Variants in HERC5 observed in about 807,000 individuals in gnomAD.
HERC5 encodes the protein E3 ISG15--protein ligase HERC5.
In HERC5, 99 loss-of-function variants were observed where a neutral mutation model predicts 119.6. The ratio of observed to expected loss-of-function variants is 0.83; its 90% CI spans 0.70 to 0.98. HERC5 has a LOEUF of 0.98. Ranked by LOEUF, HERC5 falls within the 50% of genes least tolerant of loss-of-function variation. The probability of loss-of-function intolerance (pLI) is 0.00; values close to 1 mark genes in which losing one functional copy is unlikely to be tolerated. For synonymous variants in HERC5, 478 were observed against 445.9 expected (o/e 1.07, Z -0.91); for missense variants, 1,267 against 1,241.3 (o/e 1.02, Z -0.31).
At chr4:88,490,934 T>C (rs1165112993) in intron 16 of HERC5, among the ~76,000 whole-genome samples, 1 of 152,238 alleles carries the variant, frequency 6.6e-6, no homozygotes, top group Non-Finnish European at 1.5e-5. Context: ...GGACTCGTTA[T>C]GTGATTCTAT....
chr4:88,471,929 C>T (rs1578047626), intron 10 of HERC5, among the ~76,000 whole-genome samples: 1 of 150,550 alleles, frequency 6.6e-6, no homozygotes, highest in South Asian at 2.1e-4. Context: ...TATGGCCCGC[C>T]CTTCTTCCCT....
Position 88,457,456 on chromosome 4 carries a change from C to A in HERC5, c.187C>A (p.Leu63Ile). 7.4e-7 allele frequency: 1 copy of A among 1,345,518 alleles called. No homozygotes were observed. Among genetic ancestry groups the A allele is most frequent in the Non-Finnish European group, 9.5e-7 (1 of 1,050,922 alleles). 83.3% of individuals were successfully genotyped at this position (1,345,518 alleles called of 1,614,324 possible). A position where few individuals can be genotyped will look rare whatever the true frequency, so the allele number is the denominator to read the frequency against. The part of the protein sequence containing the change: ...TRQLCCSPGR[L>I]AVLERGGAGV... ...CCAACTCTGCTGCTCGCCGGGGCGC[C>A]TCGCGGTCTTGGAACGCGGCGGGGC... is the stretch of plus-strand genomic sequence containing the variant. Residue 63 changes from leucine to isoleucine, a missense_variant, in exon 1 of 23, where the codon CTC becomes ATC. By Grantham distance (5) the Leu-to-Ile change is conservative. Coordinates refer to ENST00000264350, the MANE Select transcript of HERC5 (RefSeq NM_016323.4).
intron 18 of HERC5, among the ~76,000 whole-genome samples, chr4:88,496,629 A>T (rs2149107387): frequency 6.6e-6 from 1 of 152,358 alleles, no homozygotes; most frequent in Non-Finnish European, 1.5e-5. Context: ...TATGCCATAC[A>T]TGATAATCAC....
At position 88,500,077 on chromosome 4, in the gene HERC5, TAAAAA is replaced by T. The variant is rs201793802; in HGVS notation, c.2511+91_2511+95del. 14 of 725,894 alleles carry T rather than the reference TAAAAA, an allele frequency of 1.9e-5. No homozygotes were observed. The African/African-American group carries it at 2.6e-4, about 13-fold the overall frequency. The allele number at this position is 725,894 out of a possible 1,614,324, so 45.0% of individuals were successfully genotyped here. On this transcript the variant is annotated intron_variant, in intron 19 of 22. Transcript: ENST00000264350. The stretch of plus-strand genomic sequence containing the variant: ...TTAACTAAACATGTCAACTTTTACT[TAAAAA>T]AAAAACCTGAATAAATTAGTGAAAA...
rs372506989 is a variant in HERC5 at position 88,501,024 on chromosome 4, C to G, written c.2582+39C>G. ...ATGAAATAGTTGGTTTGTATATGTA[C>G]TATTTTTATTTTACTGAGCTCTAAA... is the stretch of plus-strand genomic sequence containing the variant. On this transcript the variant is annotated intron_variant, in intron 20 of 22. Coordinates refer to ENST00000264350, the MANE Select transcript of HERC5 (RefSeq NM_016323.4). The G allele has an allele frequency of 2.1e-6, 3 of 1,396,122 alleles. No homozygotes were observed. The African/African-American group carries it at 4.3e-5, about 20-fold the overall frequency. 86.5% of individuals were successfully genotyped at this position (1,396,122 alleles called of 1,614,324 possible).
intron 12 of HERC5, among the ~76,000 whole-genome samples, chr4:88,478,095 TTAG>T (rs1320141541): frequency 2.2e-4 from 33 of 152,310 alleles, no homozygotes; most frequent in African/African-American, 7.9e-4. Flanking sequence ...TGTTAAATTA[TTAG>T]TAGTATTTTT....
chr4:88,502,005 A>C (rs1262579839), intron 20 of HERC5, among the ~76,000 whole-genome samples: 2 of 152,120 alleles, frequency 1.3e-5, no homozygotes, highest in African/African-American at 4.8e-5. Flanking sequence ...TCACCGTGTT[A>C]GCCAGGATGG....
chr4:88,472,098 C>T (rs1740893660), intron 10 of HERC5, among the ~76,000 whole-genome samples: 1 of 151,938 alleles, frequency 6.6e-6, no homozygotes, highest in South Asian at 2.1e-4. Flanking sequence ...CAAGCTCAAG[C>T]GATTATCCTG....
intron 4 of HERC5, 100 bp from the exon 5 acceptor site, chr4:88,463,432 G>A: frequency 1.4e-6 from 1 of 727,972 alleles, no homozygotes; most frequent in Non-Finnish European, 2.4e-6. Flanking sequence ...AATATCATGA[G>A]AACTGTTGTC....
Position 88,472,442 on chromosome 4 carries a change from C to A in HERC5, c.1332C>A (p.Asp444Glu), listed in dbSNP as rs565194226. Residue 444 changes from aspartate to glutamate, a missense_variant, in exon 11 of 23, where the codon GAC (aspartate) becomes GAA (glutamate). By Grantham distance (45) the Asp-to-Glu change is conservative. Around this residue, in one of 3 missense-constraint regions of HERC5, gnomAD observed 777 missense variants for 758.0 expected, o/e 1.03. Coordinates refer to ENST00000264350, the MANE Select transcript of HERC5 (RefSeq NM_016323.4). ...CAGAAATGATGCCTGTTTATTTGGA[C>A]TTAAATAAAGCAAGAAACATCTTCA... ...RTTEMMPVYL[D>E]LNKARNIFKE... 60 of 1,598,624 alleles carry A rather than the reference C, an allele frequency of 3.8e-5. No homozygotes were observed. The highest frequency in any genetic ancestry group is 4.8e-5 in the Non-Finnish European group (56 of 1,168,602).
intron 18 of HERC5, 41 bp downstream of exon 18, chr4:88,494,372 T>C: frequency 6.6e-7 from 1 of 1,526,610 alleles, no homozygotes; most frequent in Non-Finnish European, 9.0e-7. Context: ...CTTTCTAACA[T>C]ATATTTAGGC....
At position 88,493,284 on chromosome 4, in the gene HERC5, A is replaced by G. The variant is rs980302977; in HGVS notation, c.2277+129A>G. On this transcript the variant is annotated intron_variant, in intron 17 of 22. Coordinates refer to ENST00000264350, the MANE Select transcript of HERC5 (RefSeq NM_016323.4). ...ATTGATATAATTATGGAGATAATGTATAATTCTAATAAGGTGATTATTTTC... is the reference window on the plus strand; with the variant it reads ...ATTGATATAATTATGGAGATAATGTGTAATTCTAATAAGGTGATTATTTTC... 25 of 741,246 alleles carry G rather than the reference A, an allele frequency of 3.4e-5. No homozygotes were observed. In the Admixed American group the frequency reaches 8.0e-4, roughly 24 times the overall value. 45.9% of individuals were successfully genotyped at this position (741,246 alleles called of 1,614,324 possible).
intron 1 of HERC5, 117 bp downstream of exon 1, chr4:88,457,651 ACG>A: frequency 9.2e-7 from 1 of 1,084,332 alleles, no homozygotes; most frequent in Non-Finnish European, 1.2e-6. Context: ...AAGGCCGCAG[ACG>A]CGCGCCTGGC....
At chr4:88,482,174 G>T (rs944194067) in intron 13 of HERC5, among the ~76,000 whole-genome samples, 1 of 152,122 alleles carries the variant, frequency 6.6e-6, no homozygotes, top group Non-Finnish European at 1.5e-5. Context: ...GCTGGGTGTG[G>T]TGGCGTATGC....
intron 16 of HERC5, among the ~76,000 whole-genome samples, 171 bp downstream of exon 16, chr4:88,489,507 GCACT>G (rs946384696): frequency 3.3e-5 from 5 of 152,100 alleles, no homozygotes; most frequent in African/African-American, 1.2e-4. Context: ...ATAGCTGTGG[GCACT>G]CACTCAGTAT....
chr4:88,502,411 T>C (rs1455619963), intron 20 of HERC5, among the ~76,000 whole-genome samples: 1 of 152,156 alleles, frequency 6.6e-6, no homozygotes, highest in Non-Finnish European at 1.5e-5. Flanking sequence ...CTGTTTGGCT[T>C]AAGTGAAGAG....
chr4:88,502,182 T>C (rs1181094964), intron 20 of HERC5, among the ~76,000 whole-genome samples: 1 of 152,188 alleles, frequency 6.6e-6, no homozygotes, highest in African/African-American at 2.4e-5. Flanking sequence ...CTTGTACATG[T>C]GTTTTGTTTA....
At chr4:88,498,223 T>C (rs965391006) in intron 18 of HERC5, among the ~76,000 whole-genome samples, 1 of 152,018 alleles carries the variant, frequency 6.6e-6, no homozygotes, top group Non-Finnish European at 1.5e-5. Flanking sequence ...AGTGGAGTCA[T>C]GGGAGTGAGG....
intron 15 of HERC5, among the ~76,000 whole-genome samples, chr4:88,488,598 G>GTCTC (rs1339562127): frequency 6.6e-6 from 1 of 151,936 alleles, no homozygotes; most frequent in African/African-American, 2.4e-5. Flanking sequence ...CTGTCTGTCT[G>GTCTC]TCTGTCTCTC....
Sources: allele counts gnomAD v4.1 joint callset (sites outside exome capture counted in the v4.1 genomes callset), GRCh38; gene constraint gnomAD v4.1.1; regional missense constraint gnomAD v4.1.1; transcripts MANE v1.5; gene names NCBI Gene and HGNC (gene_info 2026-07-23, HGNC 2026-07-21).